Variants in RNF157 observed in about 807,000 individuals in gnomAD.
RNF157 encodes E3 ubiquitin ligase RNF157.
A neutral mutation model predicts 88.3 loss-of-function variants in RNF157; 55 were observed. The observed-to-expected ratio is 0.62, with a 90% confidence interval of 0.50 to 0.78. The LOEUF (loss-of-function observed/expected upper bound fraction) is 0.78, where lower values mean the gene tolerates loss of function less well. Ranked by LOEUF, RNF157 falls within the 30% of genes least tolerant of loss-of-function variation. RNF157 has a pLI of 0.00. For synonymous variants in RNF157, 334 were observed against 341.2 expected, an observed-to-expected ratio of 0.98 and a Z score of 0.23; for missense variants, 788 against 860.8, an observed-to-expected ratio of 0.92 and a Z score of 1.06.
At chr17:76,215,378 C>T (rs1015370378) in intron 1 of RNF157, among the ~76,000 whole-genome samples, 8 of 151,504 alleles carry the variant, frequency 5.3e-5, no homozygotes, top group African/African-American at 1.5e-4. Flanking sequence ...AGAAGGCTGA[C>T]GCAGAAGGGT....
intron 18 of RNF157, among the ~76,000 whole-genome samples, chr17:76,148,379 G>A (rs2068619394): frequency 6.7e-6 from 1 of 148,176 alleles, no homozygotes; most frequent in African/African-American, 2.5e-5. Context: ...CCATTCTACT[G>A]TCGCAGCCTC....
intron 6 of RNF157, among the ~76,000 whole-genome samples, chr17:76,165,881 T>C (rs1239251055): frequency 6.6e-6 from 1 of 152,076 alleles, no homozygotes; most frequent in Non-Finnish European, 1.5e-5. Flanking sequence ...TTTCACTATG[T>C]TGGTCAGGCT....
intron 2 of RNF157, among the ~76,000 whole-genome samples, chr17:76,190,739 C>T (rs574590561): frequency 6.6e-6 from 1 of 151,276 alleles, no homozygotes; most frequent in South Asian, 2.1e-4. Context: ...AACCCCGTCT[C>T]TACTAAAAAC....
intron 1 of RNF157, among the ~76,000 whole-genome samples, chr17:76,238,664 A>G (rs1277091829): frequency 6.6e-6 from 1 of 152,226 alleles, no homozygotes; most frequent in Admixed American, 6.5e-5. Flanking sequence ...TTTGATCAAT[A>G]AAAGCCATGT....
chr17:76,159,500 G>A lies in RNF157; in HGVS notation c.1139C>T (p.Ser380Phe), dbSNP rs767226620. Residue 380 changes from serine (S) to phenylalanine (F), a missense_variant, in exon 12 of 19, where the codon TCC becomes TTC. Transcript: ENST00000269391. ...CACGTGAAGTGGAGGAACTGCTGGGGACGGGGTGAGGGGCCCGTTGAGGGC... is the reference window on the plus strand; with the variant it reads ...CACGTGAAGTGGAGGAACTGCTGGGAACGGGGTGAGGGGCCCGTTGAGGGC... ...LEALNGPLTP[S>F]PAVPPLHVLG... 12 of 1,609,136 alleles carry A rather than the reference G, an allele frequency of 7.5e-6. No homozygotes were observed. In the South Asian group the frequency reaches 1.3e-4, roughly 18 times the overall value.
At chr17:76,222,143 C>T (rs1262127812) in intron 1 of RNF157, among the ~76,000 whole-genome samples, 1 of 152,118 alleles carries the variant, frequency 6.6e-6, no homozygotes, top group Non-Finnish European at 1.5e-5. Context: ...GTCAGGAGTT[C>T]GAGACCAGCC....
chr17:76,180,664 A>T (rs1322183260), intron 2 of RNF157, among the ~76,000 whole-genome samples: 1 of 152,160 alleles, frequency 6.6e-6, no homozygotes, highest in Non-Finnish European at 1.5e-5. Context: ...AGTTCAAGTG[A>T]TCTTCTCGCC....
chr17:76,230,655 T>C (rs1386344783), intron 1 of RNF157, among the ~76,000 whole-genome samples: 1 of 151,822 alleles, frequency 6.6e-6, no homozygotes, highest in Non-Finnish European at 1.5e-5. Context: ...CTGACCAACA[T>C]GGTGAAACCA....
In RNF157 at chr17:76,212,538, T is replaced by C. The variant is rs536271973; in HGVS notation, c.89-56A>G. On this transcript the variant is annotated intron_variant, in intron 1 of 18. Coordinates refer to ENST00000269391, the MANE Select transcript of RNF157 (RefSeq NM_052916.3). Reference sequence around the variant, plus strand: ...AAGCAGAAAACAGTCAACCTAAATCTAGTAAAAAAAAAAAGCTGATTTTTA... The same window carrying C: ...AAGCAGAAAACAGTCAACCTAAATCCAGTAAAAAAAAAAAGCTGATTTTTA... 1.1e-4 allele frequency: 118 copies of C among 1,092,282 alleles called. 1 individual carries two copies. The African/African-American group carries it at 1.7e-3, about 16-fold the overall frequency. The allele number at this position is 1,092,282 out of a possible 1,614,324, so 67.7% of individuals were successfully genotyped here.
intron 2 of RNF157, among the ~76,000 whole-genome samples, chr17:76,189,108 A>G (rs2144936523): frequency 6.6e-6 from 1 of 152,354 alleles, no homozygotes; most frequent in South Asian, 2.1e-4. Context: ...CATGAGAACC[A>G]AAAGTATCCT....
chr17:76,152,533 TAAAA>T, intron 17 of RNF157, 68 bp from the exon 18 acceptor site: 2 of 912,638 alleles, frequency 2.2e-6, no homozygotes, highest in Non-Finnish European at 3.6e-6. Flanking sequence ...GTCCTTAAAA[TAAAA>T]ATCTTAAGGA....
chr17:76,212,293 A>G, intron 2 of RNF157, 71 bp downstream of exon 2: 1 of 1,108,540 alleles, frequency 9.0e-7, no homozygotes, highest in South Asian at 1.3e-5. Flanking sequence ...GCAACTGCAA[A>G]CTTATTTTTG....
intron 5 of RNF157, 66 bp from the exon 6 acceptor site, chr17:76,166,593 C>T: frequency 7.8e-7 from 1 of 1,287,026 alleles, no homozygotes; most frequent in Admixed American, 1.7e-5. Context: ...CACAGCTAAT[C>T]TCAGAAAGGG....
rs1038776773 is a variant in RNF157 at position 76,157,515 on chromosome 17, C to T, written c.1413+878G>A. ...TTCCAGGTTTAGCTAAAATGCTATT[C>T]CTCCATAACACATTTTCTGATTTCC... On this transcript the variant is annotated intron_variant, in intron 13 of 18. Transcript: ENST00000269391. This position sits in a 1 kb window ranked among gnomAD's most constrained non-coding sequence, Gnocchi z 5.6. 6.6e-6 allele frequency among the ~76,000 whole-genome samples: 1 copy of T among 152,226 alleles called. No individual in the cohort carries two copies. Among genetic ancestry groups the T allele is most frequent in the Admixed American group, 6.5e-5 (1 of 15,284 alleles).
chr17:76,198,525 T>A (rs187433526), intron 2 of RNF157, among the ~76,000 whole-genome samples: 1 of 152,110 alleles, frequency 6.6e-6, no homozygotes, highest in African/African-American at 2.4e-5. Flanking sequence ...CTGAACATAC[T>A]CTAATTACCA....
At chr17:76,158,719 C>T (rs1249615642) in intron 12 of RNF157, among the ~76,000 whole-genome samples, 9 of 152,132 alleles carry the variant, frequency 5.9e-5, no homozygotes, top group Non-Finnish European at 1.3e-4. Flanking sequence ...CCTGAGTAGC[C>T]GAGTAGGTCT....
At chr17:76,208,594 C>T (rs1568064284) in intron 2 of RNF157, among the ~76,000 whole-genome samples, 1 of 152,136 alleles carries the variant, frequency 6.6e-6, no homozygotes, top group Admixed American at 6.5e-5. Context: ...AAAAGAGAAA[C>T]ATGTGGCATT....
At chr17:76,169,333 TTG>T (rs2068976936) in intron 3 of RNF157, among the ~76,000 whole-genome samples, 2 of 152,194 alleles carry the variant, frequency 1.3e-5, no homozygotes, top group Admixed American at 6.5e-5. Context: ...CTTTGTGTCA[TTG>T]TGTCCATGAA....
At chr17:76,165,812 G>C (rs1016088825) in intron 6 of RNF157, among the ~76,000 whole-genome samples, 1 of 151,964 alleles carries the variant, frequency 6.6e-6, no homozygotes, top group Non-Finnish European at 1.5e-5. Context: ...AAGTATCTGG[G>C]ATTATACGCA....
Sources: allele counts gnomAD v4.1 joint callset (sites outside exome capture counted in the v4.1 genomes callset), GRCh38; gene constraint gnomAD v4.1.1; non-coding constraint Gnocchi (gnomAD v3.1); transcripts MANE v1.5; gene names NCBI Gene and HGNC (gene_info 2026-07-23, HGNC 2026-07-21).